Variants in NPFFR1 observed in about 807,000 individuals in gnomAD.
NPFFR1 encodes G-protein coupled receptor 147.
Under a neutral mutation model 12.7 loss-of-function variants are expected in NPFFR1, and 17 were observed. The observed-to-expected ratio is 1.34, with a 90% CI of 0.92 to 2.01. The LOEUF (loss-of-function observed/expected upper bound fraction) is 2.01, where lower values mean the gene tolerates loss of function less well. NPFFR1 is among the 30% of genes most tolerant of loss of function. The pLI, the probability that NPFFR1 is intolerant of heterozygous loss-of-function variation, is 0.00. For missense variants in NPFFR1, 604 were observed against 606.5 expected (o/e 1.00, Z 0.04); for synonymous variants, 296 against 264.5 (o/e 1.12, Z -1.16).
chr10:70,265,674 G>GTAA (rs1444300029), intron 2 of NPFFR1, among the ~76,000 whole-genome samples: 1 of 152,208 alleles, frequency 6.6e-6, no homozygotes, highest in Non-Finnish European at 1.5e-5. Flanking sequence ...GGACTGAATG[G>GTAA]TATAATACAA....
At chr10:70,256,930 GA>G (rs1840578683) in intron 3 of NPFFR1, among the ~76,000 whole-genome samples, 1 of 152,206 alleles carries the variant, frequency 6.6e-6, no homozygotes, top group Non-Finnish European at 1.5e-5. Flanking sequence ...AATTAGTCTA[GA>G]AAGTGGTTTT....
chr10:70,272,244 G>GAAAGAAAGAAAGAAAGAGA lies in NPFFR1; in HGVS notation c.8-5854_8-5853insTCTCTTTCTTTCTTTCTTT, dbSNP rs60571634. 1.1e-3 allele frequency among the ~76,000 whole-genome samples: 70 copies of GAAAGAAAGAAAGAAAGAGA among 64,470 alleles called. 3 individuals carry two copies. Among genetic ancestry groups the GAAAGAAAGAAAGAAAGAGA allele is most frequent in the African/African-American group, 4.5e-3 (68 of 15,184 alleles). The allele number at this position is 64,470 out of a possible 152,430, so 42.3% of individuals were successfully genotyped here. A position where few individuals can be genotyped will look rare whatever the true frequency, so the allele number is the denominator to read the frequency against. Reference sequence around the variant, plus strand: ...AGAAAGAAAGAAAGAAAGAAAGAAAGAAGAAAGAAGAAAGAAAATAATAGA... The same window carrying GAAAGAAAGAAAGAAAGAGA: ...AGAAAGAAAGAAAGAAAGAAAGAAAGAAAGAAAGAAAGAAAGAGAAAGAAAGAAGAAAGAAAATAATAGA... On this transcript the variant is annotated intron_variant, in intron 1 of 3. Transcript: ENST00000277942.
At position 70,255,836 on chromosome 10, in the gene NPFFR1, G is replaced by A; in HGVS notation, c.423-9C>T. The A allele has an allele frequency of 6.2e-7, 1 of 1,601,308 alleles. No individual in the cohort carries two copies. Among genetic ancestry groups the A allele is most frequent in the Non-Finnish European group, 8.5e-7 (1 of 1,173,828 alleles). ...GCACGATGCAGCGGAACCTGCCGCGGGGAGAGAGACAGGCGGGATCTGGGT... is the reference window on the plus strand; with the variant it reads ...GCACGATGCAGCGGAACCTGCCGCGAGGAGAGAGACAGGCGGGATCTGGGT... On this transcript the variant is annotated splice_polypyrimidine_tract_variant and intron_variant, in intron 3 of 3. Transcript: ENST00000277942. The surrounding 1 kb of genome is among the most constrained non-coding windows in gnomAD (Gnocchi z 4.2).
intron 1 of NPFFR1, among the ~76,000 whole-genome samples, 182 bp downstream of exon 1, chr10:70,283,488 G>T (rs1351081450): frequency 6.9e-6 from 1 of 144,384 alleles, no homozygotes; most frequent in African/African-American, 2.6e-5. Flanking sequence ...ATGAACACAT[G>T]GGCACCCCAG....
chr10:70,279,162 T>C (rs3898450), intron 1 of NPFFR1, among the ~76,000 whole-genome samples: 48,761 of 152,028 alleles, frequency 0.32, 8,615 homozygotes, highest in South Asian at 0.47. Context: ...CAATCTTTTT[T>C]TGTATGTGTG....
At chr10:70,275,288 ATCATTTACC>A (rs1438988457) in intron 1 of NPFFR1, among the ~76,000 whole-genome samples, 9 of 152,348 alleles carry the variant, frequency 5.9e-5, no homozygotes, top group Non-Finnish European at 1.0e-4. Flanking sequence ...TCTGATACAA[ATCATTTACC>A]TCATAGTGAA....
At chr10:70,261,181 T>A (rs1292412627) in intron 2 of NPFFR1, among the ~76,000 whole-genome samples, 2 of 152,130 alleles carry the variant, frequency 1.3e-5, no homozygotes, top group Admixed American at 6.5e-5. Context: ...GGGAGTGGTT[T>A]CCTCCATGCT....
intron 1 of NPFFR1, among the ~76,000 whole-genome samples, chr10:70,280,524 G>A (rs1840849631): frequency 6.6e-6 from 1 of 152,116 alleles, no homozygotes; most frequent in African/African-American, 2.4e-5. Flanking sequence ...CCATTTGTAT[G>A]TCTTCTTTCG....
chr10:70,274,329 A>C (rs574213364), intron 1 of NPFFR1, among the ~76,000 whole-genome samples: 1 of 152,296 alleles, frequency 6.6e-6, no homozygotes, highest in East Asian at 1.9e-4. Flanking sequence ...CATGCCTGTA[A>C]TCCCAGCCAC....
At chr10:70,282,901 G>A (rs937140723) in intron 1 of NPFFR1, among the ~76,000 whole-genome samples, 3 of 152,068 alleles carry the variant, frequency 2.0e-5, no homozygotes, top group South Asian at 2.1e-4. Context: ...AATCCTGAAG[G>A]TAAGGTCCAT....
Position 70,255,622 on chromosome 10 carries a change from T to G in NPFFR1, c.628A>C (p.Lys210Gln). 1 of 1,574,982 alleles carries G rather than the reference T, an allele frequency of 6.3e-7. No individual in the cohort carries two copies. Among genetic ancestry groups the G allele is most frequent in the Non-Finnish European group, 8.6e-7 (1 of 1,160,544 alleles). Reference protein sequence around the residue: ...LYSCWEAWPEKGMRRVYTTVL... With the variant: ...LYSCWEAWPEQGMRRVYTTVL... ...GTGGTGTAGACCCTGCGCATGCCCT[T>G]CTCGGGCCAGGCCTCCCAGCAGGAG... Residue 210 changes from lysine to glutamine, a missense_variant, in exon 4 of 4, where the codon AAG (lysine) becomes CAG (glutamine). By Grantham distance (53) the Lys-to-Gln change is moderately conservative. Coordinates refer to ENST00000277942, the MANE Select transcript of NPFFR1 (RefSeq NM_022146.5). The surrounding 1 kb of genome is among the most constrained non-coding windows in gnomAD (Gnocchi z 4.2).
In NPFFR1 at chr10:70,266,387, C is replaced by G. The variant is rs747717469; in HGVS notation, c.12G>C (p.Glu4Asp). ...AACTGCTGTTGGGAGGCTGGGAGGG[C>G]TCCCCTAGGACCAAAGGAATATATT... MEG[E>D]PSQPPNSSWP... is the part of the protein sequence containing the mutation. Residue 4 changes from glutamate to aspartate, a missense_variant, in exon 2 of 4, where the codon GAG becomes GAC. Glu to Asp is a conservative substitution (Grantham distance 45). Transcript: ENST00000277942. The G allele has an allele frequency of 6.2e-7, 1 of 1,611,160 alleles. No homozygotes were observed. Among genetic ancestry groups the G allele is most frequent in the South Asian group, 1.1e-5 (1 of 90,494 alleles).
chr10:70,255,301 G>C lies in NPFFR1; in HGVS notation c.949C>G (p.Leu317Val). 6.3e-7 allele frequency: 1 copy of C among 1,582,960 alleles called. No individual in the cohort carries two copies. Among genetic ancestry groups the C allele is most frequent in the Non-Finnish European group, 8.6e-7 (1 of 1,168,688 alleles). The change falls in exon 4 of 4, where the codon CTG becomes GTG. Residue 317 changes from leucine (L) to valine (V), a missense_variant. Coordinates refer to ENST00000277942, the MANE Select transcript of NPFFR1 (RefSeq NM_022146.5). The surrounding 1 kb of genome is among the most constrained non-coding windows in gnomAD (Gnocchi z 4.2). ...TVYAFPFAHW[L>V]AFFNSSANPI... ...TTGGCGCTGCTGTTGAAGAAGGCCA[G>C]CCAGTGCGCGAAGGGGAAGGCGTAG...
chr10:70,277,041 T>C (rs1049094692), intron 1 of NPFFR1, among the ~76,000 whole-genome samples: 1 of 152,226 alleles, frequency 6.6e-6, no homozygotes, highest in Admixed American at 6.5e-5. Context: ...CACTCAATGA[T>C]TGTAGTAGAA....
chr10:70,283,809 C>G lies in NPFFR1; in HGVS notation c.-133G>C. ...CCCCTGCCTCCGCGCTCCGCAGGTC[C>G]GGTCGGTCCGGGCAGAGGTGAGCAG... On this transcript the variant is annotated 5_prime_UTR_variant, in exon 1 of 4. Transcript: ENST00000277942. 8.0e-6 allele frequency: 8 copies of G among 1,001,090 alleles called. No homozygotes were observed. Among genetic ancestry groups the G allele is most frequent in the East Asian group, 2.6e-5 (1 of 38,282 alleles). The allele number at this position is 1,001,090 out of a possible 1,614,324, so 62.0% of individuals were successfully genotyped here.
chr10:70,254,578 C>A lies in NPFFR1; in HGVS notation c.*379G>T. ...CCAGCTGGAGATGATAAAAACCACA[C>A]AGGTATTGGAGTCAGATAGCTTCAC... On this transcript the variant is annotated 3_prime_UTR_variant, in exon 4 of 4. Transcript: ENST00000277942. The A allele has an allele frequency of 5.0e-6, 1 of 198,548 alleles. No homozygotes were observed. The highest frequency in any genetic ancestry group is 1.2e-4 in the East Asian group (1 of 8,456). The allele number at this position is 198,548 out of a possible 1,614,324, so 12.3% of individuals were successfully genotyped here.
intron 1 of NPFFR1, chr10:70,278,086 G>A (rs1479481454): frequency 8.4e-6 from 4 of 473,790 alleles, no homozygotes; most frequent in Non-Finnish European, 1.7e-5. Context: ...ACAGATGCTG[G>A]GCCAGCCCTG....
At chr10:70,258,306 A>G (rs1471862923) in intron 3 of NPFFR1, among the ~76,000 whole-genome samples, 2 of 86,458 alleles carry the variant, frequency 2.3e-5, no homozygotes, top group Non-Finnish European at 6.3e-5. Flanking sequence ...CTTGTCTCCA[A>G]AAAAAAAAAA....
At chr10:70,273,812 G>A (rs1840774199) in intron 1 of NPFFR1, among the ~76,000 whole-genome samples, 1 of 152,148 alleles carries the variant, frequency 6.6e-6, no homozygotes, top group African/African-American at 2.4e-5. Context: ...GCCAGCACTC[G>A]TTTCTGTTGC....
Sources: allele counts gnomAD v4.1 joint callset (sites outside exome capture counted in the v4.1 genomes callset), GRCh38; gene constraint gnomAD v4.1.1; non-coding constraint Gnocchi (gnomAD v3.1); transcripts MANE v1.5; gene names NCBI Gene and HGNC (gene_info 2026-07-23, HGNC 2026-07-21).